Variants in CSMD1 observed in about 807,000 individuals in gnomAD.
CSMD1 encodes CUB and Sushi multiple domains 1.
Under a neutral mutation model 417.5 loss-of-function variants are expected in CSMD1, and 213 were observed. The observed-to-expected ratio is 0.51, with a 90% CI of 0.46 to 0.57. The LOEUF is 0.57. Among genes scored for constraint, CSMD1 ranks in the 20% least tolerant of loss-of-function variants. The pLI is 0.00. For missense variants in CSMD1, 6,923 were observed against 4,529.7 expected (o/e 1.53, Z -15.17); for synonymous variants, 2,862 against 1,736.8 (o/e 1.65, Z -16.11).
chr8:4,683,482 G>C (rs1305756829), intron 1 of CSMD1, among the ~76,000 whole-genome samples: 1 of 152,182 alleles, frequency 6.6e-6, no homozygotes, highest in African/African-American at 2.4e-5. Context: ...TGCACAAGTA[G>C]AGTGGACAAC....
At chr8:3,280,787 A>ATT (rs1802674002) in intron 26 of CSMD1, among the ~76,000 whole-genome samples, 1 of 6,810 alleles carries the variant, frequency 1.5e-4, no homozygotes, top group Non-Finnish European at 2.7e-4. Flanking sequence ...ACTAAACACT[A>ATT]ATAATTAATT....
chr8:4,001,801 G>C (rs776013014), intron 4 of CSMD1, among the ~76,000 whole-genome samples: 2 of 152,000 alleles, frequency 1.3e-5, no homozygotes, highest in East Asian at 1.9e-4. Flanking sequence ...TGAAATTTAA[G>C]GGTAACTTTG....
chr8:3,467,381 T>C (rs1000113050), intron 12 of CSMD1, among the ~76,000 whole-genome samples: 3 of 152,196 alleles, frequency 2.0e-5, no homozygotes, highest in Non-Finnish European at 2.9e-5. Flanking sequence ...ATGCAGGTCA[T>C]GTGGAAAATA....
intron 6 of CSMD1, among the ~76,000 whole-genome samples, chr8:3,746,223 G>A (rs1797059950): frequency 6.6e-6 from 1 of 152,218 alleles, no homozygotes; most frequent in African/African-American, 2.4e-5. Flanking sequence ...GCCAGAATAA[G>A]TTCTTCCTCC....
intron 3 of CSMD1, among the ~76,000 whole-genome samples, chr8:4,148,486 T>A (rs1280344827): frequency 6.6e-6 from 1 of 151,864 alleles, no homozygotes; most frequent in Non-Finnish European, 1.5e-5. Context: ...ACCTGCACAT[T>A]GTGCACATGT....
intron 5 of CSMD1, among the ~76,000 whole-genome samples, chr8:3,958,425 G>A (rs1232698466): frequency 6.6e-6 from 1 of 151,638 alleles, no homozygotes; most frequent in East Asian, 1.9e-4. Context: ...GTTCATGGAA[G>A]CATGTGCACG....
At chr8:4,914,893 G>C (rs367982838) in intron 1 of CSMD1, among the ~76,000 whole-genome samples, 2 of 152,082 alleles carry the variant, frequency 1.3e-5, no homozygotes, top group African/African-American at 4.8e-5. Context: ...AAGACATGGG[G>C]TATTCCCAAG....
At chr8:3,559,188 T>C (rs1016836620) in intron 10 of CSMD1, among the ~76,000 whole-genome samples, 1 of 152,240 alleles carries the variant, frequency 6.6e-6, no homozygotes, top group Non-Finnish European at 1.5e-5. Flanking sequence ...ATATGGTATG[T>C]GTTTGGGCAA....
chr8:3,377,135 A>G (rs1810357929), intron 18 of CSMD1, among the ~76,000 whole-genome samples: 1 of 152,152 alleles, frequency 6.6e-6, no homozygotes. Context: ...CAGCGTCCTG[A>G]ACCGCTGGGA....
At chr8:4,466,452 CTCAATATAT>C (rs1800176178) in intron 2 of CSMD1, among the ~76,000 whole-genome samples, 1 of 2,326 alleles carries the variant, frequency 4.3e-4, no homozygotes, top group Admixed American at 5.9e-3. Context: ...TATATATATA[CTCAATATAT>C]AGGCAAGGAA....
intron 49 of CSMD1, among the ~76,000 whole-genome samples, chr8:3,083,787 G>C (rs1217689727): frequency 6.8e-6 from 1 of 146,694 alleles, no homozygotes; most frequent in African/African-American, 2.5e-5. Context: ...AGCCTCCCAA[G>C]CAGCTGGGAC....
At chr8:4,887,712 T>C (rs992843071) in intron 1 of CSMD1, among the ~76,000 whole-genome samples, 3 of 152,080 alleles carry the variant, frequency 2.0e-5, no homozygotes, top group Admixed American at 1.3e-4. Context: ...GCTTTGTTGG[T>C]AGGTGCATAT....
chr8:3,736,257 T>C (rs1796515689), intron 6 of CSMD1, among the ~76,000 whole-genome samples: 2 of 151,958 alleles, frequency 1.3e-5, no homozygotes, highest in African/African-American at 4.8e-5. Context: ...TTTTGTTTTG[T>C]TTTTGACAGG....
intron 2 of CSMD1, among the ~76,000 whole-genome samples, chr8:4,610,137 T>G (rs552462156): frequency 6.6e-6 from 1 of 150,564 alleles, no homozygotes; most frequent in Non-Finnish European, 1.5e-5. Context: ...TAAAGACTAA[T>G]AGGTTATGAA....
chr8:3,095,791 G>C (rs1289749677), intron 47 of CSMD1, among the ~76,000 whole-genome samples: 1 of 152,106 alleles, frequency 6.6e-6, no homozygotes, highest in Non-Finnish European at 1.5e-5. Flanking sequence ...CACACAAAGA[G>C]AAATATTAAC....
intron 12 of CSMD1, among the ~76,000 whole-genome samples, 157 bp downstream of exon 12, chr8:3,468,555 C>G (rs548616613): frequency 2.6e-5 from 4 of 152,130 alleles, no homozygotes; most frequent in Admixed American, 2.6e-4. Context: ...TTCACGAAAG[C>G]GAGTGTTAGT....
At chr8:3,332,987 A>C (rs1807005729) in intron 23 of CSMD1, among the ~76,000 whole-genome samples, 1 of 152,226 alleles carries the variant, frequency 6.6e-6, no homozygotes. Context: ...AGCCCTTGAA[A>C]GAGGGTCTGG....
intron 1 of CSMD1, among the ~76,000 whole-genome samples, chr8:4,899,188 A>G (rs969575986): frequency 3.3e-5 from 5 of 152,238 alleles, no homozygotes; most frequent in African/African-American, 7.2e-5. Context: ...ATGTGTGGGT[A>G]TATGTCCTAT....
At chr8:3,711,556 C>T (rs895665067) in intron 6 of CSMD1, among the ~76,000 whole-genome samples, 8 of 152,172 alleles carry the variant, frequency 5.3e-5, no homozygotes, top group Admixed American at 5.2e-4. Flanking sequence ...CGTCTTCCTC[C>T]TCTTCTCTTC....
Sources: gnomAD v4.1 joint callset for allele counts (sites outside exome capture counted in the v4.1 genomes callset) on GRCh38, gnomAD v4.1.1 for gene constraint, MANE v1.5 for transcripts, NCBI Gene and HGNC (gene_info 2026-07-23, HGNC 2026-07-21) for gene names.